The following EYS variants were observed in gnomAD, a reference collection of about 807,000 sequenced individuals.
EYS encodes protein eyes shut homolog.
A neutral mutation model predicts 282.1 loss-of-function variants in EYS; 250 were observed. The ratio of observed to expected loss-of-function variants is 0.89; its 90% CI spans 0.80 to 0.98. EYS has a LOEUF of 0.98. Ranked by LOEUF, EYS falls within the 50% of genes least tolerant of loss-of-function variation. The pLI, the probability that EYS is intolerant of heterozygous loss-of-function variation, is 0.00. For synonymous variants in EYS, 1,355 were observed against 1,282.9 expected (o/e 1.06, Z -1.20); for missense variants, 4,016 against 3,709.0 (o/e 1.08, Z -2.15).
chr6:64,912,238 AG>A (rs1280826184), intron 16 of EYS, among the ~76,000 whole-genome samples: 1 of 144,374 alleles, frequency 6.9e-6, no homozygotes, highest in African/African-American at 2.6e-5. Flanking sequence ...AGAAAAAAAA[AG>A]GGCCAAAAAG....
chr6:64,790,658 T>G (rs1774160878), intron 22 of EYS, among the ~76,000 whole-genome samples: 1 of 151,880 alleles, frequency 6.6e-6, no homozygotes, highest in African/African-American at 2.4e-5. Context: ...TCCACTTTGG[T>G]TTCATTAAGG....
chr6:65,429,799 T>C (rs1489079275), intron 5 of EYS, among the ~76,000 whole-genome samples: 1 of 148,836 alleles, frequency 6.7e-6, no homozygotes, highest in African/African-American at 2.5e-5. Flanking sequence ...AATGAAAATG[T>C]CTTGGAAAAT....
chr6:64,255,703 A>G (rs746650796), intron 30 of EYS, among the ~76,000 whole-genome samples: 7 of 152,040 alleles, frequency 4.6e-5, no homozygotes, highest in Non-Finnish European at 1.0e-4. Context: ...ATGCAAGTAT[A>G]TATGTGTAAG....
intron 35 of EYS, among the ~76,000 whole-genome samples, chr6:63,953,259 C>T (rs10944199): frequency 0.3 from 45,160 of 152,070 alleles, 6,814 homozygotes; most frequent in Admixed American, 0.38. Flanking sequence ...CAGGGACAGT[C>T]CTCATTACTT....
chr6:64,294,549 A>G (rs1768835134), intron 30 of EYS, among the ~76,000 whole-genome samples: 1 of 152,180 alleles, frequency 6.6e-6, no homozygotes, highest in Non-Finnish European at 1.5e-5. Flanking sequence ...TCTTCCAAGG[A>G]CCATCTGTCC....
At chr6:65,642,364 G>C (rs1209697288) in intron 1 of EYS, among the ~76,000 whole-genome samples, 1 of 152,046 alleles carries the variant, frequency 6.6e-6, no homozygotes, top group Non-Finnish European at 1.5e-5. Flanking sequence ...GGAATAATTA[G>C]AGGACTGAGA....
intron 30 of EYS, among the ~76,000 whole-genome samples, chr6:64,288,006 A>C (rs1489124211): frequency 6.6e-6 from 1 of 152,162 alleles, no homozygotes; most frequent in African/African-American, 2.4e-5. Context: ...CAAGTAAATG[A>C]AACCCCTGTG....
At chr6:65,141,645 G>A (rs868266347) in intron 12 of EYS, among the ~76,000 whole-genome samples, 6 of 131,000 alleles carry the variant, frequency 4.6e-5, no homozygotes, top group African/African-American at 1.6e-4. Flanking sequence ...CTGTCTGTCT[G>A]TCTGTCTATC....
At chr6:64,328,319 A>T (rs1770505961) in intron 29 of EYS, among the ~76,000 whole-genome samples, 1 of 152,220 alleles carries the variant, frequency 6.6e-6, no homozygotes, top group Non-Finnish European at 1.5e-5. Flanking sequence ...GGCAGTATGC[A>T]CAACAAGCAC....
intron 7 of EYS, among the ~76,000 whole-genome samples, chr6:65,386,127 T>A (rs973784936): frequency 6.6e-6 from 1 of 150,476 alleles, no homozygotes; most frequent in Non-Finnish European, 1.5e-5. Context: ...GAATGAACAC[T>A]GGGCAGCAGC....
At chr6:64,296,582 ATACATATATATATATATTTT>A (rs1561913801) in intron 30 of EYS, among the ~76,000 whole-genome samples, 2 of 5,980 alleles carry the variant, frequency 3.3e-4, no homozygotes, top group African/African-American at 2.2e-3. Context: ...ATATATATAT[ATACATATATATATATATTTT>A]TTTTTTTTTT....
intron 22 of EYS, among the ~76,000 whole-genome samples, chr6:64,699,701 T>A (rs1562142065): frequency 6.6e-6 from 1 of 151,862 alleles, no homozygotes; most frequent in Non-Finnish European, 1.5e-5. Flanking sequence ...GAATTAGCAA[T>A]AAAAAATCTC....
rs369282544 is a variant in EYS, at chr6:64,005,984, A to G, written c.6726-6801T>C. The stretch of plus-strand genomic sequence containing the variant: ...ATCGGTTCCATATGAATTTTAAAAT[A>G]GTTTTTTCTAATTCTGTGAAGAATG... On this transcript the variant is annotated intron_variant, in intron 33 of 42. Transcript: ENST00000503581. Among the ~76,000 whole-genome samples the G allele has an allele frequency of 3.9e-4, 59 of 152,242 alleles. 1 individual carries two copies. The highest frequency in any genetic ancestry group is 1.4e-3 in the African/African-American group (57 of 41,556).
chr6:64,566,874 CAT>C (rs1765582166), intron 26 of EYS, among the ~76,000 whole-genome samples: 1 of 152,068 alleles, frequency 6.6e-6, no homozygotes. Flanking sequence ...CCACAGTTCA[CAT>C]GATTCTCCTG....
At chr6:64,572,013 A>G (rs567081078) in intron 26 of EYS, among the ~76,000 whole-genome samples, 1 of 152,164 alleles carries the variant, frequency 6.6e-6, no homozygotes, top group African/African-American at 2.4e-5. Flanking sequence ...CCTGATGAAC[A>G]TCAATGCAAA....
chr6:63,894,294 G>T (rs187748866), intron 35 of EYS, among the ~76,000 whole-genome samples: 1 of 152,006 alleles, frequency 6.6e-6, no homozygotes, highest in Non-Finnish European at 1.5e-5. Context: ...GATTAGGGTG[G>T]GTGTTAAATC....
chr6:65,624,401 G>A (rs1462523804), intron 2 of EYS, among the ~76,000 whole-genome samples: 1 of 152,166 alleles, frequency 6.6e-6, no homozygotes, highest in East Asian at 1.9e-4. Flanking sequence ...TCCTGGATTA[G>A]ACAGTTTCAG....
intron 29 of EYS, among the ~76,000 whole-genome samples, chr6:64,330,822 A>G (rs1770619058): frequency 6.6e-6 from 1 of 152,158 alleles, no homozygotes; most frequent in African/African-American, 2.4e-5. Context: ...AAACCCCTAT[A>G]TAACCTTAGA....
At chr6:65,537,548 A>C (rs534475529) in intron 2 of EYS, among the ~76,000 whole-genome samples, 27 of 51,734 alleles carry the variant, frequency 5.2e-4, no homozygotes, top group African/African-American at 4.3e-3. Flanking sequence ...ATATATACAG[A>C]GAGAGAAAGA....
Sources: allele counts gnomAD v4.1 joint callset (sites outside exome capture counted in the v4.1 genomes callset), GRCh38; gene constraint gnomAD v4.1.1; transcripts MANE v1.5; gene names NCBI Gene and HGNC (gene_info 2026-07-23, HGNC 2026-07-21).